The following MYBPC1 variants were observed in gnomAD, a reference collection of about 807,000 sequenced individuals.
MYBPC1 encodes myosin binding protein C1, also known as myosin-binding protein C, slow-type.
In MYBPC1, 52 loss-of-function variants were observed where a neutral mutation model predicts 147.1. That is an observed-to-expected ratio of 0.35 (90% confidence interval 0.28 to 0.45). MYBPC1 has a LOEUF of 0.45. Among genes scored for constraint, MYBPC1 ranks in the 20% least tolerant of loss-of-function variants. The pLI, the probability that MYBPC1 is intolerant of heterozygous loss-of-function variation, is 1.00. For missense variants in MYBPC1, 1,228 were observed against 1,440.3 expected (o/e 0.85, Z 2.39); for synonymous variants, 477 against 475.9 (o/e 1.00, Z -0.03).
At chr12:101,695,616 C>G in the MYBPC1 span, among the ~76,000 whole-genome samples, 2 of 152,012 alleles carry the variant, frequency 1.3e-5, no homozygotes, top group African/African-American at 4.8e-5. Flanking sequence ...TTTTCCTGTC[C>G]TCTTACTCCT....
intron 3 of MYBPC1, among the ~76,000 whole-genome samples, chr12:101,624,719 G>GTTTTTTT (rs1888185227): frequency 2.2e-5 from 2 of 92,370 alleles, no homozygotes; most frequent in African/African-American, 3.9e-5. Context: ...TACGGAGAGA[G>GTTTTTTT]TCTTGTTATG....
chr12:101,672,674 C>T (rs751622635), intron 24 of MYBPC1, among the ~76,000 whole-genome samples: 1 of 151,974 alleles, frequency 6.6e-6, no homozygotes, highest in Non-Finnish European at 1.5e-5. Context: ...TTGGTGAAAC[C>T]CTGTTTCTAC....
At chr12:101,595,470 CAG>C (rs1233132348) in intron 1 of MYBPC1, among the ~76,000 whole-genome samples, 2 of 152,048 alleles carry the variant, frequency 1.3e-5, no homozygotes, top group African/African-American at 4.8e-5. Flanking sequence ...TTGCAATTTG[CAG>C]AGAGTAGGAG....
At chr12:101,683,822 T>A (rs1951181087) in intron 30 of MYBPC1, among the ~76,000 whole-genome samples, 1 of 152,214 alleles carries the variant, frequency 6.6e-6, no homozygotes, top group Non-Finnish European at 1.5e-5. Flanking sequence ...TTGAAAGCTT[T>A]GTAGATTGTA....
At chr12:101,614,874 T>C (rs937824176) in intron 2 of MYBPC1, 2 of 369,762 alleles carry the variant, frequency 5.4e-6, no homozygotes, top group African/African-American at 4.2e-5. Flanking sequence ...CTTTTTCCTA[T>C]ATAGTGAAGG....
chr12:101,599,643 A>G (rs1195110196), intron 1 of MYBPC1, among the ~76,000 whole-genome samples: 4 of 152,188 alleles, frequency 2.6e-5, no homozygotes, highest in Non-Finnish European at 4.4e-5. Flanking sequence ...TCCTTACCTC[A>G]AATTGGGGAA....
At chr12:101,604,126 G>T (rs916322223) in intron 1 of MYBPC1, among the ~76,000 whole-genome samples, 9 of 152,212 alleles carry the variant, frequency 5.9e-5, no homozygotes, top group Non-Finnish European at 1.3e-4. Flanking sequence ...GGTAAGAGTA[G>T]TGAGGAAGGC....
intron 6 of MYBPC1, among the ~76,000 whole-genome samples, chr12:101,631,278 T>C (rs1330188390): frequency 1.3e-5 from 2 of 152,184 alleles, no homozygotes; most frequent in Non-Finnish European, 2.9e-5. Context: ...TATATGTCCA[T>C]ATATATGAAA....
At chr12:101,647,213 T>G (rs1041746849) in intron 13 of MYBPC1, among the ~76,000 whole-genome samples, 3 of 152,222 alleles carry the variant, frequency 2.0e-5, no homozygotes, top group African/African-American at 7.2e-5. Flanking sequence ...TGAAACCAGC[T>G]TCATTAATAA....
chr12:101,656,949 C>T (rs1188798718), intron 18 of MYBPC1, among the ~76,000 whole-genome samples: 1 of 152,006 alleles, frequency 6.6e-6, no homozygotes, highest in Non-Finnish European at 1.5e-5. Flanking sequence ...ACATTCTAGG[C>T]CATAAAAACA....
chr12:101,667,537 A>AT (rs1431323070), intron 22 of MYBPC1, among the ~76,000 whole-genome samples, 195 bp from the exon 23 acceptor site: 44 of 152,318 alleles, frequency 2.9e-4, no homozygotes, highest in African/African-American at 9.6e-4. Context: ...TATGTTAGCT[A>AT]TTTTAGGCTG....
chr12:101,653,140 T>A lies in MYBPC1; in HGVS notation c.1659T>A (p.Gly553=), dbSNP rs1894861211. The change falls in exon 18 of 32, where the codon GGT becomes GGA. Residue 553 remains glycine (G), a synonymous_variant. Transcript: ENST00000361466. ...ATCCTCCTAAGATCATCCTGGATGG[T>A]CTTGATGCTGACAACACAGTGACAG... ...VIDPPKIILD[G]LDADNTVTVI... is the part of the protein sequence containing the mutation. 6.2e-7 allele frequency: 1 copy of A among 1,614,084 alleles called. No individual in the cohort carries two copies. Among genetic ancestry groups the A allele is most frequent in the Non-Finnish European group, 8.5e-7 (1 of 1,179,978 alleles).
intron 11 of MYBPC1, among the ~76,000 whole-genome samples, chr12:101,643,113 G>A (rs1892402810): frequency 6.6e-6 from 1 of 152,136 alleles, no homozygotes; most frequent in Non-Finnish European, 1.5e-5. Flanking sequence ...CTGACCATTA[G>A]CTCTTCGAAG....
intron 28 of MYBPC1, 50 bp from the exon 29 acceptor site, chr12:101,680,293 T>C (rs572687664): frequency 3.7e-5 from 57 of 1,546,920 alleles, no homozygotes; most frequent in Admixed American, 1.2e-4. Flanking sequence ...TCTATTAATA[T>C]GCCAATTACA....
chr12:101,690,345 C>T (rs1483303591), downstream of MYBPC1, among the ~76,000 whole-genome samples: 2 of 152,202 alleles, frequency 1.3e-5, no homozygotes, highest in East Asian at 1.9e-4. Flanking sequence ...GGCATTCTCT[C>T]TTAGCTGTCC....
chr12:101,691,902 AACAAAGATAGTCTGCATT>A, the MYBPC1 span, among the ~76,000 whole-genome samples: 1 of 152,222 alleles, frequency 6.6e-6, no homozygotes, highest in African/African-American at 2.4e-5. Flanking sequence ...CAAATAACTG[AACAAAGATAGTCTGCATT>A]ACAAGGTACA....
chr12:101,602,858 T>G (rs187289878), intron 1 of MYBPC1, among the ~76,000 whole-genome samples: 129 of 152,344 alleles, frequency 8.5e-4, no homozygotes, highest in African/African-American at 3.0e-3. Flanking sequence ...TGTTGTGTTC[T>G]TACTGAAATG....
rs112752411 is a variant in MYBPC1 at position 101,649,921 on chromosome 12, T to A, written c.1363+495T>A. On this transcript the variant is annotated intron_variant, in intron 15 of 31. Transcript: ENST00000361466. ...CCCTCTACTTCTAGTCAGTTAGCAA[T>A]GGCAGAATCTCTCCCAATTTGCCAT... 8.1e-3 allele frequency among the ~76,000 whole-genome samples: 1,227 copies of A among 152,344 alleles called. 19 individuals are homozygous for A. Among genetic ancestry groups the A allele is most frequent in the African/African-American group, 0.028 (1,180 of 41,580 alleles).
chr12:101,637,055 T>TCTC, intron 10 of MYBPC1: 2 of 290,852 alleles, frequency 6.9e-6, no homozygotes, highest in Non-Finnish European at 1.3e-5. Flanking sequence ...TATGATTTGG[T>TCTC]AGAAGTCTGA....
Sources: allele counts gnomAD v4.1 joint callset (sites outside exome capture counted in the v4.1 genomes callset), GRCh38; gene constraint gnomAD v4.1.1; transcripts MANE v1.5; gene names NCBI Gene and HGNC (gene_info 2026-07-23, HGNC 2026-07-21).